DNM3: variants seen among roughly 807,000 people sequenced by gnomAD.
DNM3 encodes dynamin-3.
Under a neutral mutation model 101.6 loss-of-function variants are expected in DNM3, and 47 were observed. The observed-to-expected ratio is 0.46, with a 90% CI of 0.37 to 0.59. The LOEUF is 0.59. Ranked by LOEUF, DNM3 falls within the 20% of genes least tolerant of loss-of-function variation. DNM3 has a pLI of 0.00. For missense variants in DNM3, 849 were observed against 1,085.7 expected (o/e 0.78, Z 3.06); for synonymous variants, 385 against 387.9 (o/e 0.99, Z 0.09).
intron 17 of DNM3, among the ~76,000 whole-genome samples, chr1:172,325,080 A>G (rs1175645235): frequency 6.6e-6 from 1 of 152,200 alleles, no homozygotes; most frequent in African/African-American, 2.4e-5. Context: ...ACCAGAAGCC[A>G]TCCATTTGTT....
At chr1:171,962,053 G>A (rs1323139025) in intron 2 of DNM3, among the ~76,000 whole-genome samples, 1 of 152,150 alleles carries the variant, frequency 6.6e-6, no homozygotes, top group Non-Finnish European at 1.5e-5. Context: ...TGGTTAGGGG[G>A]AAGAGTTTGC....
intron 14 of DNM3, chr1:172,136,677 T>C (rs930616818): frequency 6.6e-6 from 1 of 152,086 alleles, no homozygotes; most frequent in Non-Finnish European, 1.5e-5. Flanking sequence ...AGATTTATAA[T>C]TTTGAAAAAA....
chr1:171,942,815 C>T (rs1169157319), intron 2 of DNM3, among the ~76,000 whole-genome samples: 1 of 152,024 alleles, frequency 6.6e-6, no homozygotes, highest in Non-Finnish European at 1.5e-5. Flanking sequence ...CAGGCAGAAG[C>T]AGGAGCCAGT....
At chr1:172,183,627 G>T (rs180768759) in intron 14 of DNM3, among the ~76,000 whole-genome samples, 4 of 151,942 alleles carry the variant, frequency 2.6e-5, no homozygotes, top group East Asian at 1.9e-4. Context: ...TTGTGATAGG[G>T]TCTCACCCTG....
intron 14 of DNM3, among the ~76,000 whole-genome samples, chr1:172,205,208 T>C (rs1572946012): frequency 6.6e-6 from 1 of 152,246 alleles, no homozygotes; most frequent in East Asian, 1.9e-4. Flanking sequence ...CATAATCTTT[T>C]ATAATCTTCC....
intron 4 of DNM3, among the ~76,000 whole-genome samples, chr1:172,011,918 T>C (rs2047155533): frequency 6.6e-6 from 1 of 152,048 alleles, no homozygotes; most frequent in Admixed American, 6.6e-5. Flanking sequence ...TCTGACCCTT[T>C]CCAACAGCTT....
At chr1:171,981,022 C>T (rs2044751947) in intron 2 of DNM3, among the ~76,000 whole-genome samples, 1 of 151,832 alleles carries the variant, frequency 6.6e-6, no homozygotes, top group African/African-American at 2.4e-5. Context: ...CCACCCGCCT[C>T]AGCCTCAGTG....
At chr1:172,367,581 C>A (rs74726934) in intron 17 of DNM3, among the ~76,000 whole-genome samples, 20 of 151,850 alleles carry the variant, frequency 1.3e-4, no homozygotes, top group African/African-American at 4.6e-4. Flanking sequence ...AAGATTAAGT[C>A]CTCTCCTAAC....
chr1:172,321,843 T>G (rs1056072966), intron 16 of DNM3, among the ~76,000 whole-genome samples: 1 of 152,222 alleles, frequency 6.6e-6, no homozygotes, highest in South Asian at 2.1e-4. Context: ...CCCATTATTC[T>G]CTAAAATAAG....
chr1:172,412,662 T>C lies in DNM3; in HGVS notation c.*4821T>C. ...GTTCTTGAAGGTCACATGTACCTAT[T>C]GTGAAAATGTGAAGCTGTATTTCTG... is the stretch of plus-strand genomic sequence containing the variant. On this transcript the variant is annotated 3_prime_UTR_variant, in exon 21 of 21. Coordinates refer to ENST00000627582, the MANE Select transcript of DNM3 (RefSeq NM_015569.5). 1 of 985,798 alleles carries C rather than the reference T, an allele frequency of 1.0e-6. No individual in the cohort carries two copies. Among genetic ancestry groups the C allele is most frequent in the Non-Finnish European group, 1.2e-6 (1 of 829,858 alleles). The allele number at this position is 985,798 out of a possible 1,614,324, so 61.1% of individuals were successfully genotyped here.
At chr1:171,868,734 A>G (rs181109155) in intron 1 of DNM3, among the ~76,000 whole-genome samples, 1 of 152,078 alleles carries the variant, frequency 6.6e-6, no homozygotes, top group African/African-American at 2.4e-5. Context: ...ACATTGATTG[A>G]GCAGTTGTGG....
intron 4 of DNM3, among the ~76,000 whole-genome samples, chr1:172,018,916 AT>A (rs2047632073): frequency 1.3e-5 from 2 of 151,090 alleles, no homozygotes; most frequent in African/African-American, 2.4e-5. Flanking sequence ...AACTTCCCCA[AT>A]TTTTCTTTAT....
At chr1:172,023,538 A>G (rs775823862) in intron 4 of DNM3, among the ~76,000 whole-genome samples, 1 of 151,994 alleles carries the variant, frequency 6.6e-6, no homozygotes, top group Non-Finnish European at 1.5e-5. Context: ...GTGATTCCCA[A>G]TCCTTTCTTT....
chr1:172,087,682 ATTTC>A (rs2053626713), intron 12 of DNM3, among the ~76,000 whole-genome samples: 1 of 151,870 alleles, frequency 6.6e-6, no homozygotes, highest in Non-Finnish European at 1.5e-5. Context: ...GAATTCATCT[ATTTC>A]TTTCTATCAT....
At chr1:171,862,613 G>A (rs964594244) in intron 1 of DNM3, among the ~76,000 whole-genome samples, 1 of 152,102 alleles carries the variant, frequency 6.6e-6, no homozygotes, top group African/African-American at 2.4e-5. Flanking sequence ...AATGGGTATG[G>A]AGTTTTTCTT....
intron 1 of DNM3, 124 bp downstream of exon 1, chr1:171,841,941 G>A (rs2031266638): frequency 3.4e-6 from 2 of 587,412 alleles, no homozygotes; most frequent in Non-Finnish European, 5.2e-6. Flanking sequence ...GGAATGGGGG[G>A]CAGAGTGGAA....
At chr1:172,096,137 G>A (rs1375224417) in intron 13 of DNM3, among the ~76,000 whole-genome samples, 1 of 152,162 alleles carries the variant, frequency 6.6e-6, no homozygotes, top group Non-Finnish European at 1.5e-5. Flanking sequence ...TCTGCAAGAG[G>A]CCAGCCTTGG....
intron 17 of DNM3, among the ~76,000 whole-genome samples, chr1:172,354,684 C>T (rs181522971): frequency 1.2e-4 from 18 of 152,080 alleles, no homozygotes; most frequent in Admixed American, 4.6e-4. Context: ...TGACTGAGCA[C>T]ACAGGAGGAT....
chr1:172,303,808 C>A (rs1043454575), intron 15 of DNM3, among the ~76,000 whole-genome samples: 2 of 152,030 alleles, frequency 1.3e-5, no homozygotes, highest in Admixed American at 1.3e-4. Flanking sequence ...GAAATAAAAT[C>A]CTTTACAGAC....
Sources: allele counts gnomAD v4.1 joint callset (sites outside exome capture counted in the v4.1 genomes callset), GRCh38; gene constraint gnomAD v4.1.1; transcripts MANE v1.5; gene names NCBI Gene and HGNC (gene_info 2026-07-23, HGNC 2026-07-21).